WIPI2: variants seen among roughly 807,000 people sequenced by gnomAD.
The protein encoded by WIPI2 is WD repeat domain, phosphoinositide interacting 2, also known as WD repeat domain phosphoinositide-interacting protein 2.
In WIPI2, 28 loss-of-function variants were observed where a neutral mutation model predicts 52.3. The ratio of observed to expected loss-of-function variants is 0.54; its 90% CI spans 0.40 to 0.73. The LOEUF (loss-of-function observed/expected upper bound fraction) is 0.73, where lower values mean the gene tolerates loss of function less well. Ranked by LOEUF, WIPI2 falls within the 30% of genes least tolerant of loss-of-function variation. WIPI2 has a pLI of 0.00. For synonymous variants in WIPI2, 268 were observed against 245.0 expected (o/e 1.09, Z -0.88); for missense variants, 506 against 602.9 (o/e 0.84, Z 1.68).
intron 9 of WIPI2, chr7:5,226,224 GTT>G (rs1238285379): frequency 1.1e-5 from 4 of 361,966 alleles, no homozygotes; most frequent in Non-Finnish European, 2.1e-5. Context: ...CTCTCCTCAG[GTT>G]CCCCTCACGA....
chr7:5,194,955 C>T (rs891897328), intron 2 of WIPI2, among the ~76,000 whole-genome samples: 1 of 152,118 alleles, frequency 6.6e-6, no homozygotes, highest in Admixed American at 6.5e-5. Context: ...GCCAGGGCTC[C>T]AGAGGCGGGC....
rs1267121860 is a variant in WIPI2, at chr7:5,232,487, A to ATTGAACTTTTCCTTCAAAACC, written c.*1542_*1562dup. 1 of 396,942 alleles carries ATTGAACTTTTCCTTCAAAACC rather than the reference A, an allele frequency of 2.5e-6. No individual in the cohort carries two copies. The highest frequency in any genetic ancestry group is 4.4e-6 in the Non-Finnish European group (1 of 225,606). The allele number at this position is 396,942 out of a possible 1,614,324, so 24.6% of individuals were successfully genotyped here. A position where few individuals can be genotyped will look rare whatever the true frequency, so the allele number is the denominator to read the frequency against. ...ATTAGGCAGAGGTGCAAGTGGGCTGATTGAACTTTTCCTTCAAAACCTGCT... is the reference window on the plus strand; with the variant it reads ...ATTAGGCAGAGGTGCAAGTGGGCTGATTGAACTTTTCCTTCAAAACCTTGAACTTTTCCTTCAAAACCTGCT... On this transcript the variant is annotated 3_prime_UTR_variant, in exon 13 of 13. Coordinates refer to ENST00000288828, the MANE Select transcript of WIPI2 (RefSeq NM_015610.4).
chr7:5,194,664 G>A (rs1352525704), intron 2 of WIPI2, among the ~76,000 whole-genome samples: 1 of 152,236 alleles, frequency 6.6e-6, no homozygotes, highest in South Asian at 2.1e-4. Flanking sequence ...TTGTAGAGAT[G>A]GGGTTTCACT....
intron 7 of WIPI2, among the ~76,000 whole-genome samples, chr7:5,219,358 C>T (rs947886844): frequency 6.6e-6 from 1 of 152,228 alleles, no homozygotes. Context: ...TTCTGTTACC[C>T]TTTGACTAAT....
chr7:5,217,108 TCAA>T lies in WIPI2; in HGVS notation c.502_504del (p.Asn168del), dbSNP rs1184591422. The T allele has an allele frequency of 6.2e-6, 10 of 1,613,268 alleles. No homozygotes were observed. Among genetic ancestry groups the T allele is most frequent in the Admixed American group, 5.0e-5 (3 of 59,984 alleles). ...TTTGCAGGCCTGTGTGCGCTGTCAATCAACAACGACAACTGCTACTTGGCGTAC... is the reference window on the plus strand; with the variant it reads ...TTTGCAGGCCTGTGTGCGCTGTCAATCAACGACAACTGCTACTTGGCGTAC... On this transcript the variant is annotated inframe_deletion, in exon 6 of 13. Coordinates refer to ENST00000288828, the MANE Select transcript of WIPI2 (RefSeq NM_015610.4).
rs1474499121 is a variant in WIPI2 at position 5,227,784 on chromosome 7, C to T, written c.1014-320C>T. ...GATGGCAGGGCTTTGGGCTTCCGTG[C>T]GTCTTTAAACATCATTTTCCAGTTT... On this transcript the variant is annotated intron_variant, in intron 10 of 12. Transcript: ENST00000288828. The surrounding 1 kb of genome is among the most constrained non-coding windows in gnomAD (Gnocchi z 8.1). 6.6e-6 allele frequency among the ~76,000 whole-genome samples: 1 copy of T among 152,120 alleles called. No homozygotes were observed. The highest frequency in any genetic ancestry group is 2.4e-5 in the African/African-American group (1 of 41,442).
chr7:5,232,289 A>T lies in WIPI2; in HGVS notation c.*1342A>T. The T allele has an allele frequency of 2.5e-6, 1 of 398,652 alleles. No individual in the cohort carries two copies. Among genetic ancestry groups the T allele is most frequent in the Non-Finnish European group, 4.4e-6 (1 of 226,074 alleles). The allele number at this position is 398,652 out of a possible 1,614,324, so 24.7% of individuals were successfully genotyped here. A position where few individuals can be genotyped will look rare whatever the true frequency, so the allele number is the denominator to read the frequency against. On this transcript the variant is annotated 3_prime_UTR_variant, in exon 13 of 13. Coordinates refer to ENST00000288828, the MANE Select transcript of WIPI2 (RefSeq NM_015610.4). Reference sequence around the variant, plus strand: ...CTGTTTCCAGATGGTTGTCATGGTCACGCTGGGCGAAGAGCTGGAGGGGAG... The same window carrying T: ...CTGTTTCCAGATGGTTGTCATGGTCTCGCTGGGCGAAGAGCTGGAGGGGAG...
intron 8 of WIPI2, among the ~76,000 whole-genome samples, chr7:5,224,280 G>A (rs1305684986): frequency 1.3e-5 from 2 of 152,216 alleles, no homozygotes; most frequent in East Asian, 1.9e-4. Flanking sequence ...AGTCCAAGTC[G>A]AGTGTCGCCC....
chr7:5,194,964 G>T (rs902261488), intron 2 of WIPI2, among the ~76,000 whole-genome samples: 1 of 152,090 alleles, frequency 6.6e-6, no homozygotes, highest in African/African-American at 2.4e-5. Context: ...CCAGAGGCGG[G>T]CTTGTGGGGC....
chr7:5,217,862 G>C (rs1782900374), intron 6 of WIPI2, 60 bp from the exon 7 acceptor site: 1 of 1,573,380 alleles, frequency 6.4e-7, no homozygotes, highest in Non-Finnish European at 8.7e-7. Context: ...CCAAGTGTCA[G>C]CCCTGGGGCG....
chr7:5,190,325 C>A lies in WIPI2; in HGVS notation c.-95C>A, dbSNP rs1781410057. On this transcript the variant is annotated 5_prime_UTR_variant, in exon 1 of 13. Coordinates refer to ENST00000288828, the MANE Select transcript of WIPI2 (RefSeq NM_015610.4). Reference sequence around the variant, plus strand: ...GGGTGGCGAGTGGCGGCGACCGAGGCGGCGAGCGGGGCCCGGCGCCGACCC... The same window carrying A: ...GGGTGGCGAGTGGCGGCGACCGAGGAGGCGAGCGGGGCCCGGCGCCGACCC... The A allele has an allele frequency of 3.7e-6, 3 of 805,814 alleles. No individual in the cohort carries two copies. The highest frequency in any genetic ancestry group is 4.9e-6 in the Non-Finnish European group (3 of 608,276). 49.9% of individuals were successfully genotyped at this position (805,814 alleles called of 1,614,324 possible).
intron 7 of WIPI2, among the ~76,000 whole-genome samples, chr7:5,222,159 G>C (rs1783174512): frequency 6.6e-6 from 1 of 152,270 alleles, no homozygotes; most frequent in South Asian, 2.1e-4. Context: ...ATGTTGGTCA[G>C]GCTGGTCTCA....
chr7:5,217,951 C>T lies in WIPI2; in HGVS notation c.606C>T (p.Asp202=), dbSNP rs759002004. The change falls in exon 7 of 13, where the codon GAC becomes GAT. Residue 202 remains aspartate, a synonymous_variant. Coordinates refer to ENST00000288828, the MANE Select transcript of WIPI2 (RefSeq NM_015610.4). The part of the protein sequence containing the change: ...LRAANMIPAH[D]SPLAALAFDA... ...CTGCAAACATGATTCCGGCTCACGA[C>T]AGTCCTTTAGCGGCACTGGCCTTTG... The T allele has an allele frequency of 1.2e-6, 2 of 1,614,244 alleles. No individual in the cohort carries two copies. The highest frequency in any genetic ancestry group is 1.7e-5 in the Admixed American group (1 of 60,034).
intron 1 of WIPI2, among the ~76,000 whole-genome samples, chr7:5,191,839 A>G (rs966112756): frequency 6.6e-6 from 1 of 152,214 alleles, no homozygotes; most frequent in East Asian, 1.9e-4. Context: ...CAGGCACTCA[A>G]TAGCACCTCC....
At chr7:5,197,111 C>CAAAAAAAAAAAAAAAAAAAAAAAAAAAA (rs1562384541) in intron 2 of WIPI2, among the ~76,000 whole-genome samples, 2 of 56,428 alleles carry the variant, frequency 3.5e-5, no homozygotes, top group African/African-American at 9.8e-5. Context: ...GACTCCGTCT[C>CAAAAAAAAAAAAAAAAAAAAAAAAAAAA]AAAAAACAAA....
chr7:5,206,028 T>A (rs1437170610), intron 3 of WIPI2, among the ~76,000 whole-genome samples: 1 of 152,188 alleles, frequency 6.6e-6, no homozygotes. Context: ...CTTTTGACCT[T>A]GTTTATGATT....
At chr7:5,223,290 G>A (rs576498077) in intron 8 of WIPI2, among the ~76,000 whole-genome samples, 2 of 152,294 alleles carry the variant, frequency 1.3e-5, no homozygotes, top group Admixed American at 6.5e-5. Context: ...TCAGTCGCAT[G>A]GCCGTGGTCG....
chr7:5,203,194 C>T lies in WIPI2; in HGVS notation c.211+3536C>T, dbSNP rs116849969. Among the ~76,000 whole-genome samples, 548 of 152,246 alleles carry T rather than the reference C, an allele frequency of 3.6e-3. 2 individuals carry two copies. Among genetic ancestry groups the T allele is most frequent in the Non-Finnish European group, 6.4e-3 (438 of 68,012 alleles). The stretch of plus-strand genomic sequence containing the variant: ...AGGTTTGAGAAATGGTGTTTTCTGA[C>T]GTTAGTCTTATTTGACAGGCAGTGC... On this transcript the variant is annotated intron_variant, in intron 3 of 12. Transcript: ENST00000288828.
rs764749512 is a variant in WIPI2 at position 5,227,090 on chromosome 7, G to A, written c.849-90G>A. 428 of 1,520,476 alleles carry A rather than the reference G, an allele frequency of 2.8e-4. No individual in the cohort carries two copies. Among genetic ancestry groups the A allele is most frequent in the Admixed American group, 3.6e-4 (18 of 49,650 alleles). 94.2% of individuals were successfully genotyped at this position (1,520,476 alleles called of 1,614,324 possible). ...GTGAAGAATGGAGACTTTTGCTGTC[G>A]GCTCCAGAGCTGTGCGTCTGTGTGA... is the stretch of plus-strand genomic sequence containing the variant. On this transcript the variant is annotated intron_variant, in intron 9 of 12. Coordinates refer to ENST00000288828, the MANE Select transcript of WIPI2 (RefSeq NM_015610.4). This position sits in a 1 kb window ranked among gnomAD's most constrained non-coding sequence, Gnocchi z 8.1.
Sources: allele counts gnomAD v4.1 joint callset (sites outside exome capture counted in the v4.1 genomes callset), GRCh38; gene constraint gnomAD v4.1.1; non-coding constraint Gnocchi (gnomAD v3.1); transcripts MANE v1.5; gene names NCBI Gene and HGNC (gene_info 2026-07-23, HGNC 2026-07-21).